The following TENM2 variants were observed in gnomAD, a reference collection of about 807,000 sequenced individuals.
The protein encoded by TENM2 is teneurin transmembrane protein 2.
TENM2 carries 52 observed loss-of-function variants against 245.2 expected under a neutral mutation model. The ratio of observed to expected loss-of-function variants is 0.21; its 90% CI spans 0.17 to 0.27. The LOEUF is 0.27. Among genes scored for constraint, TENM2 ranks in the 10% least tolerant of loss-of-function variants. TENM2 has a pLI of 1.00. For synonymous variants in TENM2, 1,363 were observed against 1,438.9 expected, an observed-to-expected ratio of 0.95 and a Z score of 1.19; for missense variants, 3,046 against 3,666.8, an observed-to-expected ratio of 0.83 and a Z score of 4.37.
At chr5:168,140,385 C>G (rs1330973059) in intron 12 of TENM2, among the ~76,000 whole-genome samples, 1 of 152,168 alleles carries the variant, frequency 6.6e-6, no homozygotes, top group African/African-American at 2.4e-5. Flanking sequence ...GAAGCGTGGG[C>G]AGGATTTCCC....
intron 1 of TENM2, among the ~76,000 whole-genome samples, chr5:167,310,637 A>G (rs1305935365): frequency 3.4e-5 from 5 of 147,898 alleles, no homozygotes; most frequent in Admixed American, 3.3e-4. Context: ...AACAAAAAAC[A>G]AAAAAAACAA....
chr5:167,083,234 G>C, the TENM2 span, among the ~76,000 whole-genome samples: 2 of 152,114 alleles, frequency 1.3e-5, no homozygotes, highest in Admixed American at 1.3e-4. Context: ...GGTTATGTGT[G>C]GCCACTTCTT....
intron 6 of TENM2, among the ~76,000 whole-genome samples, chr5:168,059,041 G>A (rs1170233044): frequency 6.6e-6 from 1 of 152,154 alleles, no homozygotes; most frequent in Non-Finnish European, 1.5e-5. Flanking sequence ...CATCCCCCAG[G>A]TGCACTCCCT....
At chr5:167,590,512 T>C (rs1315389082) in intron 2 of TENM2, among the ~76,000 whole-genome samples, 3 of 152,122 alleles carry the variant, frequency 2.0e-5, no homozygotes, top group Non-Finnish European at 4.4e-5. Flanking sequence ...TACTATACTG[T>C]TTTGTTATTG....
chr5:167,491,580 C>T (rs1768429310), intron 2 of TENM2, among the ~76,000 whole-genome samples: 1 of 152,150 alleles, frequency 6.6e-6, no homozygotes, highest in South Asian at 2.1e-4. Flanking sequence ...TTGAGGCTTT[C>T]ACCAAAAGGT....
chr5:168,248,885 G>A (rs904842012), intron 27 of TENM2, among the ~76,000 whole-genome samples: 1 of 152,192 alleles, frequency 6.6e-6, no homozygotes, highest in Non-Finnish European at 1.5e-5. Context: ...TTGAGAGGCT[G>A]AGGCAGATGG....
chr5:167,871,575 CACTT>C (rs1440521347), intron 2 of TENM2, among the ~76,000 whole-genome samples: 2 of 152,138 alleles, frequency 1.3e-5, no homozygotes, highest in East Asian at 3.9e-4. Context: ...ATCTTGAAAA[CACTT>C]ACACACACAC....
chr5:167,753,435 T>C lies in TENM2; in HGVS notation c.503-122551T>C, dbSNP rs201116990. 1.4e-4 allele frequency among the ~76,000 whole-genome samples: 22 copies of C among 152,286 alleles called. No homozygotes were observed. The East Asian group carries it at 2.1e-3, about 15-fold the overall frequency. ...GGAGGAGAAATTTCTGACAACAATA[T>C]GTAGCCAAGAATAGGATGGGATCTG... On this transcript the variant is annotated intron_variant, in intron 2 of 28. Transcript: ENST00000518659.
intron 2 of TENM2, among the ~76,000 whole-genome samples, chr5:167,704,919 A>G (rs1758402904): frequency 6.6e-6 from 1 of 152,204 alleles, no homozygotes; most frequent in South Asian, 2.1e-4. Flanking sequence ...TGTGTGTAAT[A>G]GAGGTAGATG....
intron 2 of TENM2, among the ~76,000 whole-genome samples, chr5:167,575,915 A>T (rs1041118023): frequency 2.0e-4 from 31 of 151,692 alleles, no homozygotes; most frequent in Middle Eastern, 3.2e-3. Flanking sequence ...CCTGCGTGAA[A>T]TTTTTCTCTG....
the TENM2 span, among the ~76,000 whole-genome samples, chr5:167,084,366 T>TATATATATACAC: frequency 9.6e-3 from 1,105 of 114,760 alleles, 54 homozygotes; most frequent in Non-Finnish European, 0.017. Context: ...TATATATATA[T>TATATATATACAC]ACAGATCAGA....
At chr5:167,540,593 C>T (rs931688078) in intron 2 of TENM2, among the ~76,000 whole-genome samples, 1 of 152,084 alleles carries the variant, frequency 6.6e-6, no homozygotes, top group African/African-American at 2.4e-5. Flanking sequence ...CCATATGGAC[C>T]ACAAAGTCTA....
intron 2 of TENM2, among the ~76,000 whole-genome samples, chr5:167,640,878 T>TCC (rs1285312770): frequency 3.7e-4 from 22 of 60,270 alleles, no homozygotes; most frequent in African/African-American, 2.8e-3. Context: ...TATATATATA[T>TCC]ATATATATAT....
chr5:167,744,871 C>T (rs547014088), intron 2 of TENM2, among the ~76,000 whole-genome samples: 2 of 152,250 alleles, frequency 1.3e-5, no homozygotes, highest in African/African-American at 2.4e-5. Context: ...GTTTAGTATC[C>T]TCCTAGGACC....
chr5:167,935,484 A>G (rs936401142), intron 3 of TENM2, among the ~76,000 whole-genome samples: 4 of 152,196 alleles, frequency 2.6e-5, no homozygotes, highest in African/African-American at 7.2e-5. Flanking sequence ...CTGTGATCTA[A>G]TGAACCGTTA....
intron 3 of TENM2, among the ~76,000 whole-genome samples, chr5:167,907,765 A>T (rs6869888): frequency 0.013 from 2,005 of 151,454 alleles, 42 homozygotes; most frequent in African/African-American, 0.044. Flanking sequence ...AAATATATTT[A>T]AAAAAATTTA....
intron 12 of TENM2, chr5:168,130,351 A>T (rs889689784): frequency 1.3e-5 from 2 of 152,234 alleles, no homozygotes; most frequent in Non-Finnish European, 2.9e-5. Context: ...CTTTTCCTTA[A>T]AAGTTAAATA....
chr5:167,161,330 G>T, the TENM2 span, among the ~76,000 whole-genome samples: 1 of 152,136 alleles, frequency 6.6e-6, no homozygotes, highest in Non-Finnish European at 1.5e-5. Flanking sequence ...CTAGGAAGTG[G>T]GGAAATAGAA....
chr5:167,067,819 A>G, the TENM2 span, among the ~76,000 whole-genome samples: 1 of 152,154 alleles, frequency 6.6e-6, no homozygotes, highest in East Asian at 1.9e-4. Context: ...GGATGTTTTG[A>G]AATATTTTTC....
Sources: gnomAD v4.1 joint callset for allele counts (sites outside exome capture counted in the v4.1 genomes callset) on GRCh38, gnomAD v4.1.1 for gene constraint, MANE v1.5 for transcripts, NCBI Gene and HGNC (gene_info 2026-07-23, HGNC 2026-07-21) for gene names.